Variants in S100Z observed in about 807,000 individuals in gnomAD.
S100Z encodes protein S100-Z.
S100Z carries 11 observed loss-of-function variants against 8.5 expected under a neutral mutation model. The ratio of observed to expected loss-of-function variants is 1.30; its 90% CI spans 0.82 to 2.15. The LOEUF is 2.15. Ranked by LOEUF, S100Z falls within the 30% of genes most tolerant of loss-of-function variation. S100Z has a pLI of 0.00. For missense variants in S100Z, 126 were observed against 117.9 expected (o/e 1.07, Z -0.32); for synonymous variants, 34 against 43.8 (o/e 0.78, Z 0.89).
At chr5:76,854,317 G>A (rs963023859) in intron 1 of S100Z, among the ~76,000 whole-genome samples, 1 of 152,206 alleles carries the variant, frequency 6.6e-6, no homozygotes, top group Non-Finnish European at 1.5e-5. Flanking sequence ...ATGAGGGAAA[G>A]TTTGGAACTT....
At chr5:76,904,275 A>G (rs531419724) in intron 4 of S100Z, among the ~76,000 whole-genome samples, 31 of 152,074 alleles carry the variant, frequency 2.0e-4, no homozygotes, top group Non-Finnish European at 4.0e-4. Context: ...GCTCACTGCA[A>G]CCTTCACCTC....
chr5:76,924,034 A>G (rs1271350481), downstream of S100Z, among the ~76,000 whole-genome samples: 1 of 152,150 alleles, frequency 6.6e-6, no homozygotes, highest in Non-Finnish European at 1.5e-5. Context: ...ATTGCCTTTG[A>G]TCCTCTCCCC....
At chr5:76,866,893 A>G (rs1468967605) in intron 1 of S100Z, among the ~76,000 whole-genome samples, 5 of 152,344 alleles carry the variant, frequency 3.3e-5, no homozygotes, top group African/African-American at 9.6e-5. Flanking sequence ...CCATTACAGC[A>G]TATGTATAAT....
At chr5:76,940,383 G>C in the S100Z span, among the ~76,000 whole-genome samples, 4 of 151,052 alleles carry the variant, frequency 2.6e-5, no homozygotes, top group Non-Finnish European at 5.9e-5. Flanking sequence ...AGGTGAATGT[G>C]AATGGAATTA....
chr5:76,889,071 A>G (rs1743764001), intron 4 of S100Z, among the ~76,000 whole-genome samples: 1 of 152,182 alleles, frequency 6.6e-6, no homozygotes, highest in Admixed American at 6.5e-5. Context: ...GGTCAAACCA[A>G]GCCCCTGAGC....
chr5:76,861,539 A>G (rs1307426430), intron 1 of S100Z, among the ~76,000 whole-genome samples: 1 of 152,150 alleles, frequency 6.6e-6, no homozygotes, highest in Non-Finnish European at 1.5e-5. Flanking sequence ...GGGTTTCGCC[A>G]TGTTGGCCAG....
chr5:76,882,572 A>G (rs1239864038), intron 4 of S100Z, among the ~76,000 whole-genome samples: 2 of 152,222 alleles, frequency 1.3e-5, no homozygotes, highest in African/African-American at 2.4e-5. Context: ...GTATCCAACC[A>G]TGCCCAGGAA....
chr5:76,871,873 C>A (rs1014596007), intron 2 of S100Z, among the ~76,000 whole-genome samples: 2 of 152,202 alleles, frequency 1.3e-5, no homozygotes, highest in African/African-American at 4.8e-5. Context: ...CATACCCCTG[C>A]CTTTTTGAGC....
downstream of S100Z, among the ~76,000 whole-genome samples, chr5:76,926,358 C>T (rs955478230): frequency 5.9e-5 from 9 of 152,048 alleles, no homozygotes; most frequent in East Asian, 1.5e-3. Context: ...GTTTGTTTCA[C>T]CAATAAGGAA....
At chr5:76,936,627 A>ACACACG in the S100Z span, among the ~76,000 whole-genome samples, 4 of 132,904 alleles carry the variant, frequency 3.0e-5, no homozygotes, top group African/African-American at 1.2e-4. Flanking sequence ...ACACACACAC[A>ACACACG]CACACACACA....
chr5:76,850,547 G>T (rs1750699137), intron 1 of S100Z, among the ~76,000 whole-genome samples: 1 of 152,182 alleles, frequency 6.6e-6, no homozygotes, highest in Admixed American at 6.5e-5. Flanking sequence ...AACCTTCAAG[G>T]TGAGGCTTGG....
At chr5:76,928,821 C>T in the S100Z span, among the ~76,000 whole-genome samples, 1 of 152,236 alleles carries the variant, frequency 6.6e-6, no homozygotes, top group African/African-American at 2.4e-5. Context: ...CACATTACAG[C>T]CTCAAACTCC....
intron 4 of S100Z, among the ~76,000 whole-genome samples, chr5:76,918,840 A>G (rs1261618688): frequency 3.9e-5 from 6 of 152,180 alleles, no homozygotes; most frequent in Non-Finnish European, 7.3e-5. Context: ...TCTGTACTCT[A>G]TCTATTCAAC....
intron 4 of S100Z, among the ~76,000 whole-genome samples, chr5:76,907,420 C>T (rs1744495016): frequency 6.6e-6 from 1 of 152,126 alleles, no homozygotes; most frequent in African/African-American, 2.4e-5. Flanking sequence ...TCTCCTGCCT[C>T]AGCCTCCCAA....
At chr5:76,937,306 C>G in the S100Z span, among the ~76,000 whole-genome samples, 1 of 150,706 alleles carries the variant, frequency 6.6e-6, no homozygotes, top group East Asian at 1.9e-4. Flanking sequence ...AGGGGTTGCA[C>G]CTGGGGTAAT....
chr5:76,874,435 T>C (rs1194263994), intron 2 of S100Z, among the ~76,000 whole-genome samples: 1 of 152,196 alleles, frequency 6.6e-6, no homozygotes. Context: ...CCTTCTTATC[T>C]AATGCACCCA....
intron 4 of S100Z, among the ~76,000 whole-genome samples, chr5:76,903,479 C>T (rs766665359): frequency 7.9e-5 from 12 of 151,950 alleles, no homozygotes; most frequent in Non-Finnish European, 1.8e-4. Context: ...TGGGTTGTTT[C>T]TGGTTTTGGT....
At chr5:76,883,879 C>T (rs1743500005) in intron 4 of S100Z, among the ~76,000 whole-genome samples, 1 of 152,166 alleles carries the variant, frequency 6.6e-6, no homozygotes, top group Non-Finnish European at 1.5e-5. Context: ...TCTGGAGGAA[C>T]CCCTGGCAGT....
chr5:76,925,475 C>T (rs181209176), downstream of S100Z, among the ~76,000 whole-genome samples: 4 of 152,182 alleles, frequency 2.6e-5, no homozygotes, highest in African/African-American at 9.7e-5. Flanking sequence ...ACCTGCCTGG[C>T]TCTTATCTCT....
Sources: allele counts gnomAD v4.1 joint callset (sites outside exome capture counted in the v4.1 genomes callset), GRCh38; gene constraint gnomAD v4.1.1; transcripts MANE v1.5; gene names NCBI Gene and HGNC (gene_info 2026-07-23, HGNC 2026-07-21).